The following TEX264 variants were observed in gnomAD, a reference collection of about 807,000 sequenced individuals.
TEX264 encodes the protein testis expressed 264, ER-phagy receptor, also known as testis-expressed protein 264.
TEX264 carries 13 observed loss-of-function variants against 23.4 expected under a neutral mutation model. The observed-to-expected ratio is 0.56, with a 90% CI of 0.36 to 0.88. The LOEUF (loss-of-function observed/expected upper bound fraction) is 0.88. TEX264 is among the 40% of genes least tolerant of loss of function. The pLI is 0.01. For missense variants in TEX264, 340 were observed against 406.8 expected, an observed-to-expected ratio of 0.84 and a Z score of 1.41; for synonymous variants, 159 against 170.0, an observed-to-expected ratio of 0.94 and a Z score of 0.50.
At chr3:51,701,212 C>T (rs774348455) in intron 4 of TEX264, among the ~76,000 whole-genome samples, 8 of 152,082 alleles carry the variant, frequency 5.3e-5, no homozygotes, top group Non-Finnish European at 1.0e-4. Context: ...AGGTAGGGCC[C>T]TGCCTTGCCT....
At chr3:51,680,325 G>C (rs779625338) in intron 2 of TEX264, among the ~76,000 whole-genome samples, 15 of 152,210 alleles carry the variant, frequency 9.9e-5, no homozygotes, top group Non-Finnish European at 1.9e-4. Context: ...GCGAGGTCTT[G>C]GCTTGGCAGG....
chr3:51,698,857 T>C (rs1703169860), intron 3 of TEX264, among the ~76,000 whole-genome samples: 1 of 152,098 alleles, frequency 6.6e-6, no homozygotes, highest in African/African-American at 2.4e-5. Flanking sequence ...CCTTGATCCT[T>C]GTTCAGGGTC....
In TEX264 at chr3:51,690,929, G is replaced by A. The variant is rs1015751322; in HGVS notation, c.480+6295G>A. The stretch of plus-strand genomic sequence containing the variant: ...GACTGGGTCCCTTAGGCCGAGGATC[G>A]TTCCGATGGCTATATGCCTTTTGCC... On this transcript the variant is annotated intron_variant, in intron 3 of 4. Coordinates refer to ENST00000341333, the MANE Select transcript of TEX264 (RefSeq NM_015926.6). Among the ~76,000 whole-genome samples, 6 of 152,346 alleles carry A rather than the reference G, an allele frequency of 3.9e-5. No individual in the cohort carries two copies. In the East Asian group the frequency reaches 5.8e-4, roughly 15 times the overall value.
At chr3:51,701,322 C>CTTT (rs398062322) in intron 4 of TEX264, among the ~76,000 whole-genome samples, 4 of 143,744 alleles carry the variant, frequency 2.8e-5, no homozygotes, top group African/African-American at 1.0e-4. Flanking sequence ...TATTGCATTC[C>CTTT]TTTTTTTTTT....
At chr3:51,671,320 A>C (rs1268215992) in intron 1 of TEX264, 32 bp downstream of exon 1, 1 of 152,264 alleles carries the variant, frequency 6.6e-6, no homozygotes, top group East Asian at 1.9e-4. Flanking sequence ...AGGCATACCC[A>C]CTGGGGCGTA....
chr3:51,673,159 G>T (rs1301359277), intron 1 of TEX264, among the ~76,000 whole-genome samples: 1 of 152,170 alleles, frequency 6.6e-6, no homozygotes. Context: ...AAGTTGCAGC[G>T]TGGCCTTTTT....
intron 2 of TEX264, among the ~76,000 whole-genome samples, chr3:51,677,338 G>T (rs1285523673): frequency 6.6e-6 from 1 of 152,174 alleles, no homozygotes; most frequent in Non-Finnish European, 1.5e-5. Flanking sequence ...GTCCTGGAGT[G>T]GGCTGAGAAC....
At chr3:51,692,835 G>A (rs913596984) in intron 3 of TEX264, among the ~76,000 whole-genome samples, 5 of 152,246 alleles carry the variant, frequency 3.3e-5, no homozygotes, top group African/African-American at 1.2e-4. Context: ...GACTCACCCA[G>A]TGCTCTAGCT....
intron 3 of TEX264, among the ~76,000 whole-genome samples, chr3:51,693,477 T>G (rs897887248): frequency 8.8e-5 from 11 of 125,514 alleles, no homozygotes; most frequent in South Asian, 2.6e-4. Flanking sequence ...TTCCATTATG[T>G]TTTTTTTTTT....
At chr3:51,674,113 C>T (rs1424912944) in intron 1 of TEX264, among the ~76,000 whole-genome samples, 158 bp from the exon 2 acceptor site, 5 of 152,216 alleles carry the variant, frequency 3.3e-5, no homozygotes, top group Non-Finnish European at 5.9e-5. Context: ...AGCTCCCTTC[C>T]AGGTCACTCT....
At chr3:51,694,155 C>A (rs1702966870) in intron 3 of TEX264, among the ~76,000 whole-genome samples, 1 of 144,286 alleles carries the variant, frequency 6.9e-6, no homozygotes, top group African/African-American at 2.6e-5. Context: ...TTCCTTCTTT[C>A]TTGTTTTGCT....
At chr3:51,693,136 C>T (rs564553315) in intron 3 of TEX264, among the ~76,000 whole-genome samples, 2 of 152,362 alleles carry the variant, frequency 1.3e-5, no homozygotes, top group South Asian at 4.1e-4. Flanking sequence ...CTAGGCCCTC[C>T]TCCACAGGAC....
intron 3 of TEX264, 94 bp from the exon 4 acceptor site, chr3:51,699,312 A>C: frequency 7.4e-7 from 1 of 1,353,252 alleles, no homozygotes; most frequent in Non-Finnish European, 1.0e-6. Context: ...CCCCTGGGAC[A>C]GAATAGGTAA....
At chr3:51,695,964 G>A (rs1002728636) in intron 3 of TEX264, among the ~76,000 whole-genome samples, 3 of 152,152 alleles carry the variant, frequency 2.0e-5, no homozygotes, top group Admixed American at 6.5e-5. Flanking sequence ...GGGAAGGCCC[G>A]GAGGTGTGTC....
At chr3:51,696,502 C>G (rs1350200807) in intron 3 of TEX264, among the ~76,000 whole-genome samples, 1 of 152,220 alleles carries the variant, frequency 6.6e-6, no homozygotes, top group Non-Finnish European at 1.5e-5. Context: ...CATGGTCACC[C>G]TGTCTTCCCT....
intron 2 of TEX264, among the ~76,000 whole-genome samples, chr3:51,680,250 C>G (rs545964167): frequency 6.6e-6 from 1 of 152,166 alleles, no homozygotes; most frequent in Non-Finnish European, 1.5e-5. Context: ...TGGTCTGGGC[C>G]GCTGACACCA....
In TEX264 at chr3:51,703,624, G is replaced by C. The variant is rs1577542001; in HGVS notation, c.650-100G>C. On this transcript the variant is annotated intron_variant, in intron 4 of 4. Coordinates refer to ENST00000341333, the MANE Select transcript of TEX264 (RefSeq NM_015926.6). The surrounding 1 kb of genome is among the most constrained non-coding windows in gnomAD (Gnocchi z 4.8). Reference sequence around the variant, plus strand: ...GGAGCAAGCCCCCTGAGCCCGGGAGGCTGCATTATTCATGAGTGCACTGCG... The same window carrying C: ...GGAGCAAGCCCCCTGAGCCCGGGAGCCTGCATTATTCATGAGTGCACTGCG... 8 of 1,262,344 alleles carry C rather than the reference G, an allele frequency of 6.3e-6. No individual in the cohort carries two copies. The highest frequency in any genetic ancestry group is 1.7e-5 in the South Asian group (1 of 60,192). The allele number at this position is 1,262,344 out of a possible 1,614,324, so 78.2% of individuals were successfully genotyped here. A position where few individuals can be genotyped will look rare whatever the true frequency, so the allele number is the denominator to read the frequency against.
At chr3:51,681,863 G>A (rs1702441437) in intron 2 of TEX264, 1 of 152,258 alleles carries the variant, frequency 6.6e-6, no homozygotes, top group Admixed American at 6.5e-5. Flanking sequence ...CACTCCAAAA[G>A]AGCCTTGCCT....
intron 3 of TEX264, among the ~76,000 whole-genome samples, chr3:51,685,883 T>C (rs1467256693): frequency 6.6e-6 from 1 of 152,178 alleles, no homozygotes; most frequent in Non-Finnish European, 1.5e-5. Context: ...ACTTTTGGGA[T>C]AGAACTGATA....
Sources: gnomAD v4.1 joint callset for allele counts (sites outside exome capture counted in the v4.1 genomes callset) on GRCh38, gnomAD v4.1.1 for gene constraint, Gnocchi (gnomAD v3.1) non-coding constraint, MANE v1.5 for transcripts, NCBI Gene and HGNC (gene_info 2026-07-23, HGNC 2026-07-21) for gene names.